The following UBASH3B variants were observed in gnomAD, a reference collection of about 807,000 sequenced individuals.
The protein encoded by UBASH3B is ubiquitin-associated and SH3 domain-containing protein B.
Under a neutral mutation model 83.4 loss-of-function variants are expected in UBASH3B, and 37 were observed. The ratio of observed to expected loss-of-function variants is 0.44; its 90% CI spans 0.34 to 0.58. The LOEUF (loss-of-function observed/expected upper bound fraction) is 0.58. Among genes scored for constraint, UBASH3B ranks in the 20% least tolerant of loss-of-function variants. The pLI, the probability that UBASH3B is intolerant of heterozygous loss-of-function variation, is 0.01. For synonymous variants in UBASH3B, 304 were observed against 318.3 expected, an observed-to-expected ratio of 0.96 and a Z score of 0.48; for missense variants, 657 against 827.2, an observed-to-expected ratio of 0.79 and a Z score of 2.52.
chr11:122,786,301 G>A (rs529925127), intron 5 of UBASH3B, among the ~76,000 whole-genome samples: 1 of 151,460 alleles, frequency 6.6e-6, no homozygotes, highest in Non-Finnish European at 1.5e-5. Context: ...CGCCTATCTC[G>A]GCCTCCCAAA....
chr11:122,747,339 C>T (rs1023501040), intron 1 of UBASH3B, among the ~76,000 whole-genome samples: 1 of 152,170 alleles, frequency 6.6e-6, no homozygotes, highest in Admixed American at 6.5e-5. Context: ...GACCCAGAAC[C>T]AGTGGAGTGG....
chr11:122,667,859 T>G (rs936683198), intron 1 of UBASH3B, among the ~76,000 whole-genome samples: 4 of 152,176 alleles, frequency 2.6e-5, no homozygotes, highest in African/African-American at 9.7e-5. Context: ...AGTGATATTT[T>G]CAAGATCCCA....
chr11:122,788,441 C>T (rs750683885), intron 5 of UBASH3B, among the ~76,000 whole-genome samples: 1 of 151,994 alleles, frequency 6.6e-6, no homozygotes, highest in African/African-American at 2.4e-5. Flanking sequence ...TGGTGGCGGC[C>T]GCCTGAAATC....
At chr11:122,733,422 C>T (rs10466536) in intron 1 of UBASH3B, among the ~76,000 whole-genome samples, 8,476 of 152,228 alleles carry the variant, frequency 0.056, 674 homozygotes, top group African/African-American at 0.17. Flanking sequence ...AGTATGTCAA[C>T]GATAAGTCAC....
chr11:122,762,701 T>C (rs932542658), intron 1 of UBASH3B, among the ~76,000 whole-genome samples: 7 of 152,196 alleles, frequency 4.6e-5, no homozygotes, highest in Admixed American at 2.0e-4. Flanking sequence ...TCTGCACCTT[T>C]CCTTATGTTA....
chr11:122,779,726 G>A (rs1173553216), intron 4 of UBASH3B, 31 bp downstream of exon 4: 1 of 1,612,892 alleles, frequency 6.2e-7, no homozygotes. Context: ...CCAGCCCTGG[G>A]CCCTGTCAAT....
intron 1 of UBASH3B, among the ~76,000 whole-genome samples, chr11:122,724,607 G>A (rs1003025376): frequency 8.2e-6 from 1 of 121,576 alleles, no homozygotes; most frequent in Non-Finnish European, 2.0e-5. Flanking sequence ...GCTGGGCCAG[G>A]CCTGAACTGG....
intron 1 of UBASH3B, among the ~76,000 whole-genome samples, chr11:122,705,290 AC>A (rs1480802492): frequency 6.6e-6 from 1 of 151,980 alleles, no homozygotes; most frequent in Non-Finnish European, 1.5e-5. Context: ...TACTAAAAAT[AC>A]AAAAATTAGC....
chr11:122,775,615 T>A (rs1038031009), intron 1 of UBASH3B: 2 of 151,966 alleles, frequency 1.3e-5, no homozygotes, highest in African/African-American at 2.4e-5. Flanking sequence ...TCTACAAAAA[T>A]AAAAAATTAG....
chr11:122,745,030 C>T (rs1223261414), intron 1 of UBASH3B, among the ~76,000 whole-genome samples: 2 of 151,842 alleles, frequency 1.3e-5, no homozygotes, highest in Admixed American at 6.6e-5. Context: ...GAGCGGTGGT[C>T]CTCCCAGGGA....
intron 1 of UBASH3B, among the ~76,000 whole-genome samples, chr11:122,721,057 C>A (rs1036547360): frequency 1.5e-4 from 22 of 151,562 alleles, no homozygotes; most frequent in Admixed American, 6.6e-4. Context: ...CATCCCGGCT[C>A]ACACGGTGAA....
At chr11:122,743,105 C>G (rs1211427843) in intron 1 of UBASH3B, among the ~76,000 whole-genome samples, 3 of 152,200 alleles carry the variant, frequency 2.0e-5, no homozygotes, top group Admixed American at 6.5e-5. Context: ...TGTGGCCGTT[C>G]TGAGGTACCT....
At chr11:122,764,200 G>A (rs1860494369) in intron 1 of UBASH3B, among the ~76,000 whole-genome samples, 1 of 152,212 alleles carries the variant, frequency 6.6e-6, no homozygotes, top group African/African-American at 2.4e-5. Flanking sequence ...TCCTTCAAAA[G>A]TCATGGATGG....
intron 1 of UBASH3B, among the ~76,000 whole-genome samples, chr11:122,719,344 T>C (rs1051234482): frequency 8.5e-5 from 13 of 152,380 alleles, no homozygotes; most frequent in African/African-American, 3.1e-4. Context: ...TTGGGAGTTA[T>C]GTTAGTGATG....
At chr11:122,716,703 C>T (rs1432431193) in intron 1 of UBASH3B, among the ~76,000 whole-genome samples, 1 of 152,182 alleles carries the variant, frequency 6.6e-6, no homozygotes, top group Admixed American at 6.5e-5. Context: ...CTTTCTCCAC[C>T]TGAAGGCAGG....
intron 1 of UBASH3B, among the ~76,000 whole-genome samples, chr11:122,666,619 A>G (rs773890547): frequency 6.6e-5 from 10 of 151,918 alleles, no homozygotes. Flanking sequence ...GGGTTTCACC[A>G]TGTTTGCCAG....
chr11:122,657,261 C>G (rs1863376958), intron 1 of UBASH3B, among the ~76,000 whole-genome samples: 1 of 150,726 alleles, frequency 6.6e-6, no homozygotes, highest in East Asian at 1.9e-4. Flanking sequence ...TTATTTTTTT[C>G]CCTTCTCACA....
At chr11:122,731,342 T>C (rs900406618) in intron 1 of UBASH3B, among the ~76,000 whole-genome samples, 1 of 152,242 alleles carries the variant, frequency 6.6e-6, no homozygotes, top group African/African-American at 2.4e-5. Context: ...TTTTTTTCTT[T>C]CATTATTAAG....
At position 122,712,544 on chromosome 11, in the gene UBASH3B, C is replaced by T. The variant is rs557447144; in HGVS notation, c.161+56334C>T. 8.5e-5 allele frequency among the ~76,000 whole-genome samples: 13 copies of T among 152,192 alleles called. No individual in the cohort carries two copies. In the South Asian group the frequency reaches 1.5e-3, roughly 17 times the overall value. ...CATAAACCAGGGTCCTGTTGGTGCT[C>T]GCTCTTTTTCCCTCACATTCTGCAT... On this transcript the variant is annotated intron_variant, in intron 1 of 13. Coordinates refer to ENST00000284273, the MANE Select transcript of UBASH3B (RefSeq NM_032873.5).
Sources: gnomAD v4.1 joint callset for allele counts (sites outside exome capture counted in the v4.1 genomes callset) on GRCh38, gnomAD v4.1.1 for gene constraint, MANE v1.5 for transcripts, NCBI Gene and HGNC (gene_info 2026-07-23, HGNC 2026-07-21) for gene names.